The following USP35 variants were observed in gnomAD, a reference collection of about 807,000 sequenced individuals.
The protein encoded by USP35 is ubiquitin carboxyl-terminal hydrolase 35.
In USP35, 69 loss-of-function variants were observed where a neutral mutation model predicts 83.8. The observed-to-expected ratio is 0.82, with a 90% CI of 0.68 to 1.01. The LOEUF is 1.01. Among genes scored for constraint, USP35 ranks in the 50% least tolerant of loss-of-function variants. The probability of loss-of-function intolerance (pLI) is 0.00; values close to 1 mark genes in which losing one functional copy is unlikely to be tolerated. For missense variants in USP35, 1,503 were observed against 1,362.5 expected (o/e 1.10, Z -1.62); for synonymous variants, 714 against 589.5 (o/e 1.21, Z -3.06).
Position 78,200,199 on chromosome 11 carries a change from C to T in USP35, c.1003C>T (p.Leu335=), listed in dbSNP as rs1027408533. 28 of 1,614,104 alleles carry T rather than the reference C, an allele frequency of 1.7e-5. 1 individual carries two copies. The Admixed American group carries it at 3.3e-4, about 19-fold the overall frequency. The change falls in exon 5 of 11, where the codon CTG becomes TTG. Residue 335 remains leucine (L), a synonymous_variant. Coordinates refer to ENST00000529308, the MANE Select transcript of USP35 (RefSeq NM_020798.4). ...AALSVLKYML[L]TFQHSHEAFH... is the part of the protein sequence containing the mutation. Reference sequence around the variant, plus strand: ...CTTGTCTGTGCTCAAGTACATGCTCCTGACCTTCCAGCACTCCCACGAAGC... The same window carrying T: ...CTTGTCTGTGCTCAAGTACATGCTCTTGACCTTCCAGCACTCCCACGAAGC...
chr11:78,235,895 C>T, the USP35 span, among the ~76,000 whole-genome samples: 1 of 152,212 alleles, frequency 6.6e-6, no homozygotes, highest in South Asian at 2.1e-4. Flanking sequence ...GTCGCTTCCA[C>T]ATTTTTGGTA....
rs764520707 is a variant in USP35, at chr11:78,213,672, G to T, written c.2916G>T (p.Arg972Ser). 2.2e-5 allele frequency: 33 copies of T among 1,506,646 alleles called. No homozygotes were observed. The highest frequency in any genetic ancestry group is 1.3e-5 in the Non-Finnish European group (15 of 1,135,142). The allele number at this position is 1,506,646 out of a possible 1,614,324, so 93.3% of individuals were successfully genotyped here. A position where few individuals can be genotyped will look rare whatever the true frequency, so the allele number is the denominator to read the frequency against. The stretch of plus-strand genomic sequence containing the variant: ...AGCAGGAGAAGGAGGCCCGGAGCAG[G>T]GCGGCCTACATCTCTGCACTCCCCA... ...LQEQEKEARS[R>S]AAYISALPTS... is the part of the protein sequence containing the mutation. The change falls in exon 11 of 11, where the codon AGG (arginine) becomes AGT (serine). Residue 972 changes from arginine to serine, a missense_variant. Physicochemically the swap from Arg to Ser is moderately radical, Grantham distance 110 (BLOSUM62 -1). Coordinates refer to ENST00000529308, the MANE Select transcript of USP35 (RefSeq NM_020798.4).
Position 78,196,796 on chromosome 11 carries a change from G to A in USP35, c.551G>A (p.Gly184Asp). 1 of 1,534,304 alleles carries A rather than the reference G, an allele frequency of 6.5e-7. No homozygotes were observed. The highest frequency in any genetic ancestry group is 8.7e-7 in the Non-Finnish European group (1 of 1,145,904). The change falls in exon 2 of 11, where the codon GGC (glycine) becomes GAC (aspartate). Residue 184 changes from glycine to aspartate, a missense_variant. Gly to Asp is a moderately conservative substitution (Grantham distance 94, BLOSUM62 -1). Coordinates refer to ENST00000529308, the MANE Select transcript of USP35 (RefSeq NM_020798.4). This position sits in a 1 kb window ranked among gnomAD's most constrained non-coding sequence, Gnocchi z 4.8. ...CGCTGCCCAGCCGAAGGCGAGGAGG[G>A]CGCCGTGGAGTTCCTAGAGCAGGCC... ...RFRCPAEGEE[G>D]AVEFLEQAQQ...
intron 3 of USP35, 27 bp downstream of exon 3, chr11:78,198,095 C>T: frequency 6.2e-7 from 1 of 1,613,576 alleles, no homozygotes; most frequent in African/African-American, 1.3e-5. Context: ...GAGCCATGAT[C>T]AGGGCTGGGG....
chr11:78,221,647 C>T, the USP35 span: 4 of 1,416,196 alleles, frequency 2.8e-6, no homozygotes, highest in Non-Finnish European at 4.0e-6. Context: ...ACTTGAAAGG[C>T]GTCATTCCAG....
At position 78,213,744 on chromosome 11, in the gene USP35, TGAAG is replaced by T; in HGVS notation, c.2990_2993del (p.Glu997AlafsTer29). On this transcript the variant is annotated frameshift_variant, in exon 11 of 11. Transcript: ENST00000529308. LOFTEE classifies it high-confidence loss of function. Reference sequence around the variant, plus strand: ...GCTTTGATGAAGACAAGGATGAGGATGAAGGCTCTCCAGGGGGCTGCAATCCTGC... The same window carrying T: ...GCTTTGATGAAGACAAGGATGAGGATGCTCTCCAGGGGGCTGCAATCCTGC... The T allele has an allele frequency of 6.5e-7, 1 of 1,542,324 alleles. No individual in the cohort carries two copies. Among genetic ancestry groups the T allele is most frequent in the Non-Finnish European group, 8.7e-7 (1 of 1,153,888 alleles).
chr11:78,226,712 T>G, the USP35 span: 1 of 1,613,310 alleles, frequency 6.2e-7, no homozygotes. Context: ...AGGCTGAGAG[T>G]GGGGTGGCCG....
chr11:78,207,731 C>T, intron 8 of USP35, 108 bp downstream of exon 8: 4 of 1,152,106 alleles, frequency 3.5e-6, no homozygotes, highest in Admixed American at 2.0e-5. Flanking sequence ...TGTCATCTCC[C>T]ATGTCAGTTG....
Position 78,214,374 on chromosome 11 carries a change from GTT to G in USP35, c.*564_*565del, listed in dbSNP as rs113474855. The G allele has an allele frequency of 1.7e-5, 1 of 59,722 alleles. No homozygotes were observed. The highest frequency in any genetic ancestry group is 4.4e-5 in the Non-Finnish European group (1 of 22,580). 3.7% of individuals were successfully genotyped at this position (59,722 alleles called of 1,614,324 possible). On this transcript the variant is annotated 3_prime_UTR_variant, in exon 11 of 11. Transcript: ENST00000529308. ...CCCCCTTACCAAGCGCCACTGCATG[GTT>G]TTGGGGGGGGGGGCGGGGGGCTAGC...
At chr11:78,206,397 A>G (rs1399534396) in intron 7 of USP35, among the ~76,000 whole-genome samples, 1 of 152,140 alleles carries the variant, frequency 6.6e-6, no homozygotes, top group Non-Finnish European at 1.5e-5. Flanking sequence ...AAATGAAACA[A>G]ACACAATCTT....
At chr11:78,212,949 C>T (rs1344226746) in intron 10 of USP35, among the ~76,000 whole-genome samples, 2 of 152,144 alleles carry the variant, frequency 1.3e-5, no homozygotes, top group Non-Finnish European at 2.9e-5. Flanking sequence ...CGTGAGCCTC[C>T]TGTGTGACTC....
At chr11:78,193,042 T>C (rs1863048239) in intron 1 of USP35, among the ~76,000 whole-genome samples, 1 of 152,142 alleles carries the variant, frequency 6.6e-6, no homozygotes, top group African/African-American at 2.4e-5. Context: ...TTTCTTGGCA[T>C]CCTGGGTTGA....
chr11:78,192,383 G>A (rs1199043696), intron 1 of USP35, among the ~76,000 whole-genome samples: 1 of 152,238 alleles, frequency 6.6e-6, no homozygotes, highest in Non-Finnish European at 1.5e-5. Flanking sequence ...CTTTGCCAAG[G>A]CCATGTTCCT....
At chr11:78,230,087 C>T in the USP35 span, among the ~76,000 whole-genome samples, 4 of 152,200 alleles carry the variant, frequency 2.6e-5, no homozygotes, top group Non-Finnish European at 5.9e-5. Context: ...ATTTTTCTCT[C>T]CTTAGCACCT....
the USP35 span, among the ~76,000 whole-genome samples, chr11:78,227,655 C>T: frequency 8.9e-6 from 1 of 112,802 alleles, no homozygotes; most frequent in Non-Finnish European, 1.8e-5. Flanking sequence ...AAAGAACTAG[C>T]TGGGCAGGGT....
At position 78,213,696 on chromosome 11, in the gene USP35, C is replaced by T. The variant is rs1565406488; in HGVS notation, c.2940C>T (p.Pro980=). The change falls in exon 11 of 11, where the codon CCC becomes CCT. Residue 980 remains proline (P), a synonymous_variant. Transcript: ENST00000529308. ...GGGCGGCCTACATCTCTGCACTCCC[C>T]ACATCTCCGCACTGGGGGAGGGGCT... The part of the protein sequence containing the change: ...RSRAAYISAL[P]TSPHWGRGFD... The T allele has an allele frequency of 6.5e-7, 1 of 1,527,240 alleles. No individual in the cohort carries two copies. Among genetic ancestry groups the T allele is most frequent in the Non-Finnish European group, 8.7e-7 (1 of 1,147,144 alleles). The allele number at this position is 1,527,240 out of a possible 1,614,324, so 94.6% of individuals were successfully genotyped here. A position where few individuals can be genotyped will look rare whatever the true frequency, so the allele number is the denominator to read the frequency against.
chr11:78,213,617 T>A, intron 10 of USP35, 29 bp from the exon 11 acceptor site: 2 of 1,404,526 alleles, frequency 1.4e-6, no homozygotes, highest in Non-Finnish European at 1.8e-6. Flanking sequence ...GAATTCTAAG[T>A]CTAAGTCTCC....
At chr11:78,228,789 A>C in the USP35 span, among the ~76,000 whole-genome samples, 1 of 151,700 alleles carries the variant, frequency 6.6e-6, no homozygotes, top group Non-Finnish European at 1.5e-5. Flanking sequence ...TGGATGATTG[A>C]ACATCTAGGC....
At chr11:78,205,659 A>T (rs978153500) in intron 6 of USP35, among the ~76,000 whole-genome samples, 183 bp from the exon 7 acceptor site, 3 of 152,134 alleles carry the variant, frequency 2.0e-5, no homozygotes, top group Admixed American at 6.5e-5. Flanking sequence ...GGCAGCCCAT[A>T]TGTCAACTGA....
Sources: allele counts gnomAD v4.1 joint callset (sites outside exome capture counted in the v4.1 genomes callset), GRCh38; gene constraint gnomAD v4.1.1; non-coding constraint Gnocchi (gnomAD v3.1); transcripts MANE v1.5; gene names NCBI Gene and HGNC (gene_info 2026-07-23, HGNC 2026-07-21).